KCNN3: variants seen among roughly 807,000 people sequenced by gnomAD.
KCNN3 encodes potassium calcium-activated channel subfamily N member 3, also known as small conductance calcium-activated potassium channel protein 3.
In KCNN3, 16 loss-of-function variants were observed where a neutral mutation model predicts 62.9. The ratio of observed to expected loss-of-function variants is 0.25; its 90% CI spans 0.17 to 0.39. The LOEUF is 0.39. Among genes scored for constraint, KCNN3 ranks in the 10% least tolerant of loss-of-function variants. The pLI is 1.00. For synonymous variants in KCNN3, 370 were observed against 389.2 expected, an observed-to-expected ratio of 0.95 and a Z score of 0.58; for missense variants, 599 against 949.4, an observed-to-expected ratio of 0.63 and a Z score of 4.85.
At chr1:154,764,139 C>T (rs755277306) in intron 3 of KCNN3, among the ~76,000 whole-genome samples, 2 of 152,202 alleles carry the variant, frequency 1.3e-5, no homozygotes, top group Non-Finnish European at 2.9e-5. Context: ...GCTTTTAAAT[C>T]TCATCTAAGA....
At chr1:154,770,334 T>C (rs193129719) in intron 3 of KCNN3, among the ~76,000 whole-genome samples, 93 of 152,350 alleles carry the variant, frequency 6.1e-4, no homozygotes, top group African/African-American at 1.9e-3. Flanking sequence ...CGTGTGTCTG[T>C]TGGCCAAAAC....
rs377368811 is a variant in KCNN3 at position 154,718,270 on chromosome 1, TC to T, written c.1702-3268del. On this transcript the variant is annotated intron_variant, in intron 5 of 7. Transcript: ENST00000271915. ...GATTGTTTTCTGCAAGCCCAAAAAC[TC>T]TCTACCAAAAAATTGCTTTCACTCT... Among the ~76,000 whole-genome samples the T allele has an allele frequency of 3.5e-3, 527 of 152,218 alleles. 5 individuals carry two copies. The highest frequency in any genetic ancestry group is 0.012 in the African/African-American group (509 of 41,530).
chr1:154,732,844 C>G (rs1700625595), intron 4 of KCNN3, among the ~76,000 whole-genome samples, 159 bp downstream of exon 4: 1 of 152,214 alleles, frequency 6.6e-6, no homozygotes, highest in African/African-American at 2.4e-5. Context: ...TTGCAGATTT[C>G]CCACCTGACA....
rs538165539 is a variant in KCNN3, at chr1:154,721,833, T to C, written c.1701+4083A>G. ...GCTCTAGTATCTTTCTTCCAGTCCC[T>C]CTGTGAATCATGTACTTAAATATTA... On this transcript the variant is annotated intron_variant, in intron 5 of 7. Coordinates refer to ENST00000271915, the MANE Select transcript of KCNN3 (RefSeq NM_002249.6). 1.5e-3 allele frequency among the ~76,000 whole-genome samples: 227 copies of C among 151,326 alleles called. 1 individual carries two copies. The highest frequency in any genetic ancestry group is 5.0e-3 in the African/African-American group (207 of 41,118).
intron 3 of KCNN3, among the ~76,000 whole-genome samples, chr1:154,750,087 T>C (rs1647295630): frequency 6.6e-6 from 1 of 152,218 alleles, no homozygotes; most frequent in Non-Finnish European, 1.5e-5. Flanking sequence ...TTGGTTTACA[T>C]GATTAACTGA....
At chr1:154,835,997 G>A (rs147232598) in intron 1 of KCNN3, among the ~76,000 whole-genome samples, 271 of 152,342 alleles carry the variant, frequency 1.8e-3, no homozygotes, top group African/African-American at 6.0e-3. Context: ...CCATGGCCAG[G>A]CATGGGGACA....
chr1:154,816,522 C>A (rs1167877394), intron 2 of KCNN3, among the ~76,000 whole-genome samples: 2 of 152,196 alleles, frequency 1.3e-5, no homozygotes, highest in African/African-American at 2.4e-5. Flanking sequence ...CCCATCCCTG[C>A]AACTTTATTA....
At chr1:154,737,194 C>G in intron 3 of KCNN3, 3 of 228,766 alleles carry the variant, frequency 1.3e-5, no homozygotes, top group Admixed American at 7.0e-5. Context: ...CTATTTTTTG[C>G]AATAGAAAAT....
At chr1:154,720,982 T>C (rs886983141) in intron 5 of KCNN3, among the ~76,000 whole-genome samples, 1 of 152,220 alleles carries the variant, frequency 6.6e-6, no homozygotes, top group East Asian at 1.9e-4. Flanking sequence ...TCTTTAGGCC[T>C]GGCGTCTGGA....
chr1:154,804,138 C>T (rs561327031), intron 2 of KCNN3, among the ~76,000 whole-genome samples: 15 of 152,342 alleles, frequency 9.8e-5, no homozygotes, highest in Admixed American at 9.8e-4. Flanking sequence ...TTTGAAGAGA[C>T]TGGCTGTTTT....
chr1:154,733,751 G>T (rs1700650099), intron 3 of KCNN3, among the ~76,000 whole-genome samples: 2 of 152,056 alleles, frequency 1.3e-5, no homozygotes, highest in Non-Finnish European at 2.9e-5. Flanking sequence ...CCCCGCCCTG[G>T]GAGGAACCAA....
At chr1:154,866,004 G>A (rs747625264) in intron 1 of KCNN3, among the ~76,000 whole-genome samples, 3 of 152,102 alleles carry the variant, frequency 2.0e-5, no homozygotes, top group Non-Finnish European at 2.9e-5. Flanking sequence ...CAGCAAAAGA[G>A]TGTCACCCAT....
rs1648213816 is a variant in KCNN3, at chr1:154,765,421, A to C, written c.1448+6554T>G. Among the ~76,000 whole-genome samples the C allele has an allele frequency of 2.0e-5, 3 of 152,112 alleles. No homozygotes were observed. In the South Asian group the frequency reaches 6.2e-4, roughly 32 times the overall value. On this transcript the variant is annotated intron_variant, in intron 3 of 7. Transcript: ENST00000271915. The stretch of plus-strand genomic sequence containing the variant: ...TTCTGAGAGAGCTTTAAATTTTTTA[A>C]GTTTGTCTCCACATTCCACATTTTT...
chr1:154,867,057 A>G (rs1652984228), intron 1 of KCNN3, among the ~76,000 whole-genome samples: 1 of 152,156 alleles, frequency 6.6e-6, no homozygotes. Flanking sequence ...GTGTCACTGA[A>G]AGAGAAGGTG....
intron 1 of KCNN3, among the ~76,000 whole-genome samples, chr1:154,834,756 C>T (rs540848572): frequency 5.3e-5 from 8 of 152,258 alleles, no homozygotes; most frequent in South Asian, 4.1e-4. Flanking sequence ...AACTGAGGCA[C>T]GGAATGATTA....
chr1:154,808,657 C>T (rs74115879), intron 2 of KCNN3, among the ~76,000 whole-genome samples: 4,008 of 152,256 alleles, frequency 0.026, 186 homozygotes, highest in African/African-American at 0.086. Flanking sequence ...GTCCAGTCCT[C>T]AGGGGAGAGA....
At chr1:154,824,275 G>C (rs573159163) in intron 1 of KCNN3, among the ~76,000 whole-genome samples, 21 of 152,322 alleles carry the variant, frequency 1.4e-4, no homozygotes, top group Non-Finnish European at 2.5e-4. Flanking sequence ...GCCTCTTCAT[G>C]TTCCACAGTT....
intron 7 of KCNN3, among the ~76,000 whole-genome samples, chr1:154,710,713 A>T (rs1445978947): frequency 6.6e-6 from 1 of 152,236 alleles, no homozygotes; most frequent in Non-Finnish European, 1.5e-5. Flanking sequence ...AAAAGAAGAC[A>T]TTTATGCAGC....
intron 2 of KCNN3, among the ~76,000 whole-genome samples, chr1:154,781,211 C>G (rs944694939): frequency 4.6e-5 from 7 of 152,142 alleles, no homozygotes; most frequent in Non-Finnish European, 1.0e-4. Flanking sequence ...CCTCAGTTCT[C>G]AGAGAAAGAA....
Sources: allele counts gnomAD v4.1 joint callset (sites outside exome capture counted in the v4.1 genomes callset), GRCh38; gene constraint gnomAD v4.1.1; transcripts MANE v1.5; gene names NCBI Gene and HGNC (gene_info 2026-07-23, HGNC 2026-07-21).